The following FAM20A variants were observed in gnomAD, a reference collection of about 807,000 sequenced individuals.
FAM20A encodes pseudokinase FAM20A.
A neutral mutation model predicts 52.0 loss-of-function variants in FAM20A; 42 were observed. That is an observed-to-expected ratio of 0.81 (90% CI 0.63 to 1.04). The LOEUF (loss-of-function observed/expected upper bound fraction) is 1.04, where lower values mean the gene tolerates loss of function less well. Among genes scored for constraint, FAM20A ranks in the 50% least tolerant of loss-of-function variants. The probability of loss-of-function intolerance (pLI) is 0.00; values close to 1 mark genes in which losing one functional copy is unlikely to be tolerated. For synonymous variants in FAM20A, 304 were observed against 298.9 expected, an observed-to-expected ratio of 1.02 and a Z score of -0.18; for missense variants, 742 against 712.7, an observed-to-expected ratio of 1.04 and a Z score of -0.47.
chr17:68,596,055 C>T (rs577669184), intron 1 of FAM20A, among the ~76,000 whole-genome samples: 1 of 152,334 alleles, frequency 6.6e-6, no homozygotes, highest in South Asian at 2.1e-4. Context: ...AGCCAACTTA[C>T]TCCCTTTGAC....
chr17:68,558,227 C>T (rs1598031337), intron 1 of FAM20A: 3 of 307,890 alleles, frequency 9.7e-6, no homozygotes, highest in East Asian at 1.1e-4. Context: ...CTACCAACAA[C>T]GAGAATGAGC....
chr17:68,553,140 C>G lies in FAM20A; in HGVS notation c.641-1189G>C, dbSNP rs113420694. 4.1e-3 allele frequency among the ~76,000 whole-genome samples: 631 copies of G among 152,170 alleles called. 7 individuals carry two copies. Among genetic ancestry groups the G allele is most frequent in the African/African-American group, 0.015 (613 of 41,508 alleles). On this transcript the variant is annotated intron_variant, in intron 3 of 10. Coordinates refer to ENST00000592554, the MANE Select transcript of FAM20A (RefSeq NM_017565.4). ...GATCATGGGGCAGCTTCCCCTGTGCCGTTCTTGTGATAGTGAGTTCTCACG... is the reference window on the plus strand; with the variant it reads ...GATCATGGGGCAGCTTCCCCTGTGCGGTTCTTGTGATAGTGAGTTCTCACG...
rs2086075785 is a variant in FAM20A, at chr17:68,535,604, G to T, written c.*1873C>A. On this transcript the variant is annotated 3_prime_UTR_variant, in exon 11 of 11. Transcript: ENST00000592554. ...GTGGGGAGCCCTATGCTGCAGTAGG[G>T]CCACAACAGTTAAGGAAATCTTTGG... 4.4e-6 allele frequency: 2 copies of T among 453,916 alleles called. No individual in the cohort carries two copies. Among genetic ancestry groups the T allele is most frequent in the Admixed American group, 2.4e-5 (1 of 42,546 alleles). 28.1% of individuals were successfully genotyped at this position (453,916 alleles called of 1,614,324 possible).
chr17:68,542,679 G>C lies in FAM20A; in HGVS notation c.928+15C>G. On this transcript the variant is annotated intron_variant, in intron 6 of 10. Transcript: ENST00000592554. ...TCTACTCAGACCCGGAATATCACTC[G>C]GGCCAGTACTCTACCTGGAGAGACA... 1 of 1,590,412 alleles carries C rather than the reference G, an allele frequency of 6.3e-7. No homozygotes were observed. Among genetic ancestry groups the C allele is most frequent in the East Asian group, 2.2e-5 (1 of 44,778 alleles).
At chr17:68,552,365 A>G (rs572092420) in intron 3 of FAM20A, among the ~76,000 whole-genome samples, 1 of 152,332 alleles carries the variant, frequency 6.6e-6, no homozygotes, top group Non-Finnish European at 1.5e-5. Flanking sequence ...TTTGTGTTTC[A>G]ACTACATCTT....
At chr17:68,572,024 A>AT (rs1218311018) in intron 1 of FAM20A, among the ~76,000 whole-genome samples, 22 of 118,160 alleles carry the variant, frequency 1.9e-4, no homozygotes, top group African/African-American at 7.4e-4. Flanking sequence ...ATATATATAT[A>AT]TATATATATA....
intron 1 of FAM20A, among the ~76,000 whole-genome samples, chr17:68,594,164 C>A (rs539736981): frequency 3.5e-4 from 54 of 152,334 alleles, no homozygotes; most frequent in African/African-American, 1.2e-3. Context: ...GTAATCCCAG[C>A]ACTTTGGGAG....
chr17:68,557,187 G>A (rs970852563), intron 1 of FAM20A, among the ~76,000 whole-genome samples: 4 of 150,328 alleles, frequency 2.7e-5, no homozygotes, highest in African/African-American at 4.9e-5. Flanking sequence ...GCGACAGAGC[G>A]AGACTCTGAC....
intron 4 of FAM20A, among the ~76,000 whole-genome samples, chr17:68,546,566 C>T (rs536252596): frequency 8.1e-4 from 123 of 152,104 alleles, no homozygotes; most frequent in Non-Finnish European, 1.4e-3. Context: ...CGTGGTGGCT[C>T]GCGCCTATAA....
Position 68,539,113 on chromosome 17 carries a change from A to T in FAM20A, c.1361+224T>A, listed in dbSNP as rs777645095. ...AGTAAAACTGTAAAATGCAGTAAAAATACCATATTATTAATCTTATGAGAC... is the reference window on the plus strand; with the variant it reads ...AGTAAAACTGTAAAATGCAGTAAAATTACCATATTATTAATCTTATGAGAC... On this transcript the variant is annotated intron_variant, in intron 10 of 10. Coordinates refer to ENST00000592554, the MANE Select transcript of FAM20A (RefSeq NM_017565.4). 6.6e-4 allele frequency among the ~76,000 whole-genome samples: 100 copies of T among 152,342 alleles called. No individual in the cohort carries two copies. Among genetic ancestry groups the T allele is most frequent in the Middle Eastern group, 3.4e-3 (1 of 294 alleles).
rs554582972 is a variant in FAM20A at position 68,553,582 on chromosome 17, A to G, written c.640+1195T>C. On this transcript the variant is annotated intron_variant, in intron 3 of 10. Coordinates refer to ENST00000592554, the MANE Select transcript of FAM20A (RefSeq NM_017565.4). ...GGGGAGCTCTGCCACTCTCAGTCCT[A>G]GCTTTTTGATGCCATTAATCACTTA... Among the ~76,000 whole-genome samples, 3 of 152,180 alleles carry G rather than the reference A, an allele frequency of 2.0e-5. No homozygotes were observed. In the East Asian group the frequency reaches 5.8e-4, roughly 29 times the overall value.
At chr17:68,594,485 CATTA>C (rs1419137672) in intron 1 of FAM20A, among the ~76,000 whole-genome samples, 1 of 152,168 alleles carries the variant, frequency 6.6e-6, no homozygotes, top group South Asian at 2.1e-4. Flanking sequence ...AAACAACACT[CATTA>C]ATTAGCTCAC....
intron 5 of FAM20A, among the ~76,000 whole-genome samples, 198 bp downstream of exon 5, chr17:68,543,431 T>C (rs1052371007): frequency 2.0e-5 from 3 of 152,178 alleles, no homozygotes; most frequent in Non-Finnish European, 4.4e-5. Flanking sequence ...TTACATTCGT[T>C]AAAAGGCCTT....
rs914185104 is a variant in FAM20A at position 68,537,462 on chromosome 17, G to A, written c.*15C>T. Reference sequence around the variant, plus strand: ...GGCTCCAGGCGTATTTTCTGAAACTGGACTCTGCCAGCCCTTAGCTTGTCA... The same window carrying A: ...GGCTCCAGGCGTATTTTCTGAAACTAGACTCTGCCAGCCCTTAGCTTGTCA... On this transcript the variant is annotated 3_prime_UTR_variant, in exon 11 of 11. Coordinates refer to ENST00000592554, the MANE Select transcript of FAM20A (RefSeq NM_017565.4). This position sits in a 1 kb window ranked among gnomAD's most constrained non-coding sequence, Gnocchi z 4.2. 19 of 1,613,930 alleles carry A rather than the reference G, an allele frequency of 1.2e-5. No homozygotes were observed. Among genetic ancestry groups the A allele is most frequent in the Non-Finnish European group, 1.5e-5 (18 of 1,180,026 alleles).
At position 68,591,560 on chromosome 17, in the gene FAM20A, A is replaced by G. The variant is rs369446917; in HGVS notation, c.404+8703T>C. 5.9e-5 allele frequency among the ~76,000 whole-genome samples: 9 copies of G among 152,380 alleles called. No individual in the cohort carries two copies. The East Asian group carries it at 1.3e-3, about 23-fold the overall frequency. On this transcript the variant is annotated intron_variant, in intron 1 of 10. Coordinates refer to ENST00000592554, the MANE Select transcript of FAM20A (RefSeq NM_017565.4). The stretch of plus-strand genomic sequence containing the variant: ...TGAATGTGGGGAATACTTAAAAAAT[A>G]TAATGACTTATTTGCTAGTGATAGA...
rs377379935 is a variant in FAM20A at position 68,558,577 on chromosome 17, C to T, written c.405-2834G>A. On this transcript the variant is annotated intron_variant, in intron 1 of 10. Transcript: ENST00000592554. ...CTCCTGCTCTTGCCAATGTGATGTG[C>T]CTGTTCTCTACCACCTTCTGCCATG... The T allele has an allele frequency of 9.4e-5, 16 of 169,972 alleles. No homozygotes were observed. In the East Asian group the frequency reaches 2.1e-3, roughly 23 times the overall value. The allele number at this position is 169,972 out of a possible 1,614,324, so 10.5% of individuals were successfully genotyped here.
intron 1 of FAM20A, among the ~76,000 whole-genome samples, chr17:68,575,685 T>C (rs2087736007): frequency 8.0e-6 from 1 of 125,272 alleles, no homozygotes; most frequent in Non-Finnish European, 1.6e-5. Context: ...TATATTTTTA[T>C]ATTTTATATT....
chr17:68,547,778 T>G (rs1568731740), intron 4 of FAM20A, among the ~76,000 whole-genome samples: 2 of 152,354 alleles, frequency 1.3e-5, no homozygotes, highest in East Asian at 1.9e-4. Flanking sequence ...GCTGTTTTGC[T>G]TTCTTATCAT....
At chr17:68,558,740 C>G (rs2087126364) in intron 1 of FAM20A, among the ~76,000 whole-genome samples, 1 of 151,758 alleles carries the variant, frequency 6.6e-6, no homozygotes, top group Non-Finnish European at 1.5e-5. Context: ...TCCTTCCTCC[C>G]TCCCTCCTTT....
Sources: allele counts gnomAD v4.1 joint callset (sites outside exome capture counted in the v4.1 genomes callset), GRCh38; gene constraint gnomAD v4.1.1; non-coding constraint Gnocchi (gnomAD v3.1); transcripts MANE v1.5; gene names NCBI Gene and HGNC (gene_info 2026-07-23, HGNC 2026-07-21).